PRKCE: variants seen among roughly 807,000 people sequenced by gnomAD.
PRKCE encodes the protein protein kinase C epsilon, also known as protein kinase C epsilon type.
Under a neutral mutation model 85.4 loss-of-function variants are expected in PRKCE, and 16 were observed. That is an observed-to-expected ratio of 0.19 (90% CI 0.13 to 0.28). The LOEUF (loss-of-function observed/expected upper bound fraction) is 0.28, where lower values mean the gene tolerates loss of function less well. Among genes scored for constraint, PRKCE ranks in the 10% least tolerant of loss-of-function variants. The pLI, the probability that PRKCE is intolerant of heterozygous loss-of-function variation, is 1.00. For synonymous variants in PRKCE, 388 were observed against 371.5 expected (o/e 1.04, Z -0.51); for missense variants, 573 against 975.2 (o/e 0.59, Z 5.49).
intron 12 of PRKCE, among the ~76,000 whole-genome samples, 172 bp from the exon 13 acceptor site, chr2:46,150,869 G>A (rs538224005): frequency 6.6e-6 from 1 of 152,278 alleles, no homozygotes; most frequent in African/African-American, 2.4e-5. Context: ...CCAGCATAGT[G>A]CCTCCAAACT....
At chr2:45,753,095 G>A (rs901989469) in intron 1 of PRKCE, among the ~76,000 whole-genome samples, 23 of 152,126 alleles carry the variant, frequency 1.5e-4, no homozygotes, top group African/African-American at 5.6e-4. Flanking sequence ...TGAGTAGGGT[G>A]TATGCATGTA....
intron 1 of PRKCE, among the ~76,000 whole-genome samples, chr2:45,773,060 C>T (rs977432933): frequency 1.3e-5 from 2 of 152,186 alleles, no homozygotes; most frequent in African/African-American, 4.8e-5. Flanking sequence ...CTGCTCTGCT[C>T]CTTCCCCTTC....
chr2:45,976,307 G>A (rs1468551446), intron 2 of PRKCE, 122 bp from the exon 3 acceptor site: 1 of 1,167,606 alleles, frequency 8.6e-7, no homozygotes, highest in African/African-American at 1.5e-5. Flanking sequence ...CACACACAAA[G>A]GCTACCTCTC....
intron 11 of PRKCE, among the ~76,000 whole-genome samples, chr2:46,111,818 G>A (rs942323487): frequency 6.6e-6 from 1 of 151,954 alleles, no homozygotes; most frequent in Admixed American, 6.6e-5. Flanking sequence ...GTTTCTCTTG[G>A]GTATATACCT....
intron 2 of PRKCE, among the ~76,000 whole-genome samples, chr2:45,975,429 T>G (rs1197715850): frequency 2.0e-5 from 3 of 152,162 alleles, no homozygotes; most frequent in Admixed American, 1.3e-4. Context: ...TGGGATCTGC[T>G]GAGGGCCCTC....
At chr2:45,871,246 G>T (rs754937872) in intron 2 of PRKCE, among the ~76,000 whole-genome samples, 19 of 152,216 alleles carry the variant, frequency 1.2e-4, no homozygotes, top group Non-Finnish European at 2.5e-4. Flanking sequence ...TTTGTGTATG[G>T]CTCTGGCTTT....
At chr2:45,981,585 C>T (rs190923342) in intron 5 of PRKCE, among the ~76,000 whole-genome samples, 3 of 152,332 alleles carry the variant, frequency 2.0e-5, no homozygotes. Flanking sequence ...TTTGCAGGGG[C>T]TCTCTTGTGG....
At chr2:45,924,060 T>G (rs1038870824) in intron 2 of PRKCE, among the ~76,000 whole-genome samples, 2 of 152,138 alleles carry the variant, frequency 1.3e-5, no homozygotes, top group African/African-American at 4.8e-5. Flanking sequence ...AAAAGAGCAC[T>G]CCCTCCACAG....
At position 46,184,434 on chromosome 2, in the gene PRKCE, AACACACACACACAC is replaced by A. The variant is rs3834107; in HGVS notation, c.2068-286_2068-273del. Among the ~76,000 whole-genome samples, 1 of 149,096 alleles carries A rather than the reference AACACACACACACAC, an allele frequency of 6.7e-6. No individual in the cohort carries two copies. The highest frequency in any genetic ancestry group is 2.5e-5 in the African/African-American group (1 of 40,378). ...GGGACCTTTGCATCATACACACACA[AACACACACACACAC>A]ACACACACACACACGTCTGTGGGAA... On this transcript the variant is annotated intron_variant, in intron 14 of 14. Coordinates refer to ENST00000306156, the MANE Select transcript of PRKCE (RefSeq NM_005400.3). This position sits in a 1 kb window ranked among gnomAD's most constrained non-coding sequence, Gnocchi z 5.0.
At chr2:45,915,478 G>C (rs1028489012) in intron 2 of PRKCE, among the ~76,000 whole-genome samples, 2 of 152,174 alleles carry the variant, frequency 1.3e-5, no homozygotes, top group Non-Finnish European at 2.9e-5. Flanking sequence ...CAAAGCTCCA[G>C]TGAACCCTAA....
chr2:46,068,525 G>A lies in PRKCE; in HGVS notation c.1438-17683G>A, dbSNP rs1012984957. Among the ~76,000 whole-genome samples the A allele has an allele frequency of 1.3e-5, 2 of 152,156 alleles. No individual in the cohort carries two copies. Among genetic ancestry groups the A allele is most frequent in the Admixed American group, 6.5e-5 (1 of 15,276 alleles). On this transcript the variant is annotated intron_variant, in intron 10 of 14. Transcript: ENST00000306156. The surrounding 1 kb of genome is among the most constrained non-coding windows in gnomAD (Gnocchi z 4.3). Reference sequence around the variant, plus strand: ...ACTGAGAAAGACCAGTTGAAGAAGGGTAGAAAAATAATACCAACTTTAAAA... The same window carrying A: ...ACTGAGAAAGACCAGTTGAAGAAGGATAGAAAAATAATACCAACTTTAAAA...
intron 1 of PRKCE, among the ~76,000 whole-genome samples, chr2:45,700,076 G>C (rs1009797152): frequency 2.0e-5 from 3 of 151,996 alleles, no homozygotes; most frequent in Non-Finnish European, 2.9e-5. Flanking sequence ...CAAGATGAAC[G>C]GGGGCAGTTA....
chr2:45,704,751 A>G (rs1435563887), intron 1 of PRKCE, among the ~76,000 whole-genome samples: 1 of 152,218 alleles, frequency 6.6e-6, no homozygotes, highest in Non-Finnish European at 1.5e-5. Flanking sequence ...TTTCAAGGTG[A>G]CAGGCAGCAG....
At chr2:45,867,515 T>A (rs954213152) in intron 2 of PRKCE, among the ~76,000 whole-genome samples, 5 of 152,194 alleles carry the variant, frequency 3.3e-5, no homozygotes, top group African/African-American at 1.2e-4. Flanking sequence ...TAACTGAAAG[T>A]CCATGGGACT....
intron 6 of PRKCE, among the ~76,000 whole-genome samples, chr2:45,994,616 C>A (rs12622193): frequency 0.26 from 39,617 of 152,054 alleles, 5,293 homozygotes; most frequent in South Asian, 0.29. Context: ...TTCACAGTTG[C>A]TAACTCACTT....
At chr2:46,006,287 A>C (rs1217924043) in intron 8 of PRKCE, among the ~76,000 whole-genome samples, 1 of 152,222 alleles carries the variant, frequency 6.6e-6, no homozygotes, top group African/African-American at 2.4e-5. Context: ...TCATTTAATA[A>C]CTGAGGCTTT....
intron 1 of PRKCE, among the ~76,000 whole-genome samples, chr2:45,662,580 A>T (rs907380081): frequency 1.3e-5 from 2 of 152,040 alleles, no homozygotes; most frequent in African/African-American, 4.8e-5. Context: ...CAGCTCCTGG[A>T]CCCTACATTC....
At chr2:45,938,606 C>T (rs1699648784) in intron 2 of PRKCE, among the ~76,000 whole-genome samples, 1 of 152,168 alleles carries the variant, frequency 6.6e-6, no homozygotes, top group African/African-American at 2.4e-5. Flanking sequence ...TCCTGGCCTC[C>T]AATTTGCATT....
chr2:46,186,403 C>T lies in PRKCE; in HGVS notation c.*1522C>T, dbSNP rs76289523. 345 of 152,660 alleles carry T rather than the reference C, an allele frequency of 2.3e-3. No individual in the cohort carries two copies. The highest frequency in any genetic ancestry group is 3.4e-3 in the Non-Finnish European group (228 of 68,020). 9.5% of individuals were successfully genotyped at this position (152,660 alleles called of 1,614,324 possible). A position where few individuals can be genotyped will look rare whatever the true frequency, so the allele number is the denominator to read the frequency against. ...AGATTTTTGTATATAGTGTTTGCTG[C>T]AAGGCCTGTGGAATTAATTCGTTGC... On this transcript the variant is annotated 3_prime_UTR_variant, in exon 15 of 15. Coordinates refer to ENST00000306156, the MANE Select transcript of PRKCE (RefSeq NM_005400.3).
Sources: allele counts gnomAD v4.1 joint callset (sites outside exome capture counted in the v4.1 genomes callset), GRCh38; gene constraint gnomAD v4.1.1; non-coding constraint Gnocchi (gnomAD v3.1); transcripts MANE v1.5; gene names NCBI Gene and HGNC (gene_info 2026-07-23, HGNC 2026-07-21).